PCDHGA3: variants seen among roughly 807,000 people sequenced by gnomAD.
The protein encoded by PCDHGA3 is protocadherin gamma subfamily A, 3.
In PCDHGA3, 40 loss-of-function variants were observed where a neutral mutation model predicts 58.5. The ratio of observed to expected loss-of-function variants is 0.68; its 90% confidence interval spans 0.53 to 0.89. The LOEUF is 0.89. Among genes scored for constraint, PCDHGA3 ranks in the 40% least tolerant of loss-of-function variants. The pLI is 0.00. For synonymous variants in PCDHGA3, 530 were observed against 525.7 expected (o/e 1.01, Z -0.11); for missense variants, 1,223 against 1,195.9 (o/e 1.02, Z -0.33).
chr5:141,408,380 G>T, intron 1 of PCDHGA3: 1 of 1,614,028 alleles, frequency 6.2e-7, no homozygotes, highest in East Asian at 2.2e-5. Context: ...CAGTGTCCTG[G>T]ATGTGTCGGC....
At chr5:141,484,478 A>G (rs2099596967) in intron 1 of PCDHGA3, among the ~76,000 whole-genome samples, 1 of 152,244 alleles carries the variant, frequency 6.6e-6, no homozygotes, top group Admixed American at 6.5e-5. Context: ...CTTTTCTGCA[A>G]AGAGATGGAT....
intron 1 of PCDHGA3, among the ~76,000 whole-genome samples, chr5:141,454,924 C>T (rs1252057038): frequency 6.7e-6 from 1 of 149,858 alleles, no homozygotes; most frequent in Non-Finnish European, 1.5e-5. Context: ...TCTCCTGCCT[C>T]AGCCTCCCGA....
At chr5:141,365,935 C>A (rs1191838027) in intron 1 of PCDHGA3, 2 of 1,614,106 alleles carry the variant, frequency 1.2e-6, no homozygotes, top group African/African-American at 2.7e-5. Flanking sequence ...TGACAGCCAG[C>A]GACAGTGGGA....
chr5:141,414,271 C>T (rs1561747971), intron 1 of PCDHGA3: 3 of 1,613,292 alleles, frequency 1.9e-6, no homozygotes, highest in East Asian at 2.2e-5. Context: ...AGATTCACCT[C>T]TGGGAACAGT....
At chr5:141,470,851 A>G (rs1410012138) in intron 1 of PCDHGA3, among the ~76,000 whole-genome samples, 2 of 151,876 alleles carry the variant, frequency 1.3e-5, no homozygotes, top group Non-Finnish European at 2.9e-5. Context: ...CCATGCTCAG[A>G]TAAGTTTTTT....
intron 1 of PCDHGA3, among the ~76,000 whole-genome samples, chr5:141,458,412 G>A (rs2098945236): frequency 6.6e-6 from 1 of 152,034 alleles, no homozygotes; most frequent in Non-Finnish European, 1.5e-5. Context: ...ACGGAGCGGG[G>A]GTTCCAAAGC....
chr5:141,409,808 G>A lies in PCDHGA3; in HGVS notation c.2424+63351G>A, dbSNP rs1445467116. On this transcript the variant is annotated intron_variant, in intron 1 of 3. Coordinates refer to ENST00000253812, the MANE Select transcript of PCDHGA3 (RefSeq NM_018916.4). ...CTTCGCGCTCACGCTGCAGGCCCGC[G>A]ACCACGGCTCGCCCACGCTCAGCGC... 4.3e-6 allele frequency: 7 copies of A among 1,611,624 alleles called. No individual in the cohort carries two copies. In the East Asian group the frequency reaches 1.3e-4, roughly 31 times the overall value.
intron 2 of PCDHGA3, among the ~76,000 whole-genome samples, chr5:141,496,628 C>T (rs928402582): frequency 2.0e-5 from 3 of 152,212 alleles, no homozygotes; most frequent in Non-Finnish European, 2.9e-5. Flanking sequence ...GATCAAAAGG[C>T]TTGGGCTGCC....
chr5:141,356,483 G>C (rs2149791327), intron 1 of PCDHGA3: 1 of 1,613,938 alleles, frequency 6.2e-7, no homozygotes, highest in South Asian at 1.1e-5. Context: ...ACTGACCAGG[G>C]AACTCCTCCA....
chr5:141,399,320 A>T (rs775357251), intron 1 of PCDHGA3: 2 of 1,614,010 alleles, frequency 1.2e-6, no homozygotes, highest in Non-Finnish European at 1.7e-6. Flanking sequence ...AAAAATTCGT[A>T]TAAGTTGGTA....
intron 1 of PCDHGA3, chr5:141,356,024 G>C: frequency 1.9e-6 from 3 of 1,613,944 alleles, no homozygotes; most frequent in Non-Finnish European, 2.5e-6. Flanking sequence ...GGAGCCAATG[G>C]AGACGTGACG....
intron 1 of PCDHGA3, among the ~76,000 whole-genome samples, chr5:141,469,232 A>AC (rs1350524557): frequency 2.0e-5 from 3 of 151,722 alleles, no homozygotes; most frequent in Non-Finnish European, 4.4e-5. Flanking sequence ...AGCCATGATC[A>AC]CCCCACTGCA....
intron 1 of PCDHGA3, chr5:141,395,370 G>A (rs377682598): frequency 1.7e-6 from 2 of 1,207,198 alleles, no homozygotes; most frequent in South Asian, 1.7e-5. Flanking sequence ...GTTTATTTTG[G>A]TGGTGTTACT....
intron 1 of PCDHGA3, among the ~76,000 whole-genome samples, chr5:141,464,251 C>T (rs1438610569): frequency 1.4e-5 from 2 of 141,396 alleles, no homozygotes; most frequent in Admixed American, 7.5e-5. Flanking sequence ...GGCTACAGAG[C>T]GAGACTCCGT....
chr5:141,423,972 T>A (rs1459859824), intron 1 of PCDHGA3: 2 of 1,128,544 alleles, frequency 1.8e-6, no homozygotes, highest in African/African-American at 3.3e-5. Flanking sequence ...CTATTATCAG[T>A]GTATGAGGCT....
intron 1 of PCDHGA3, chr5:141,393,310 C>A (rs775937552): frequency 1.2e-6 from 2 of 1,613,388 alleles, no homozygotes; most frequent in African/African-American, 2.7e-5. Flanking sequence ...GGCGTGAACT[C>A]CCTCCAGAGC....
At chr5:141,361,023 A>C (rs1171139053) in intron 1 of PCDHGA3, 1 of 1,613,384 alleles carries the variant, frequency 6.2e-7, no homozygotes. Flanking sequence ...ACTTAAATGA[A>C]AAAACAGGAG....
At chr5:141,398,829 C>A in intron 1 of PCDHGA3, 2 of 1,613,994 alleles carry the variant, frequency 1.2e-6, no homozygotes, top group East Asian at 2.2e-5. Flanking sequence ...AGGTAACCGA[C>A]GCCAATGATA....
chr5:141,434,106 T>C (rs1195019110), intron 1 of PCDHGA3, among the ~76,000 whole-genome samples: 1 of 152,236 alleles, frequency 6.6e-6, no homozygotes, highest in Non-Finnish European at 1.5e-5. Context: ...TGTCCCAGGA[T>C]TGGCCTTTGG....
Sources: gnomAD v4.1 joint callset for allele counts (sites outside exome capture counted in the v4.1 genomes callset) on GRCh38, gnomAD v4.1.1 for gene constraint, MANE v1.5 for transcripts, NCBI Gene and HGNC (gene_info 2026-07-23, HGNC 2026-07-21) for gene names.